DEK: variants seen among roughly 807,000 people sequenced by gnomAD.
DEK encodes the protein DEK proto-oncogene, also known as protein DEK.
DEK carries 28 observed loss-of-function variants against 46.8 expected under a neutral mutation model. That is an observed-to-expected ratio of 0.60 (90% CI 0.44 to 0.82). The LOEUF is 0.82. Among genes scored for constraint, DEK ranks in the 40% least tolerant of loss-of-function variants. The probability of loss-of-function intolerance (pLI) is 0.00; values close to 1 mark genes in which losing one functional copy is unlikely to be tolerated. For synonymous variants in DEK, 160 were observed against 144.5 expected (o/e 1.11, Z -0.77); for missense variants, 416 against 430.6 (o/e 0.97, Z 0.30).
chr6:18,242,703 G>A (rs73726737), intron 7 of DEK, among the ~76,000 whole-genome samples: 23 of 152,158 alleles, frequency 1.5e-4, no homozygotes, highest in African/African-American at 5.3e-4. Flanking sequence ...ACCCTTATGT[G>A]ACTTAATAAT....
At chr6:18,235,083 AATG>A (rs1346068888) in intron 9 of DEK, among the ~76,000 whole-genome samples, 2 of 152,320 alleles carry the variant, frequency 1.3e-5, no homozygotes, top group Non-Finnish European at 2.9e-5. Flanking sequence ...CTGTCATTTT[AATG>A]ATGATATAAC....
chr6:18,252,388 A>G (rs1406625216), intron 6 of DEK, among the ~76,000 whole-genome samples: 1 of 151,808 alleles, frequency 6.6e-6, no homozygotes, highest in Non-Finnish European at 1.5e-5. Context: ...ATACACCTAT[A>G]GTCCCAGTTA....
intron 6 of DEK, among the ~76,000 whole-genome samples, chr6:18,252,509 CAAAAAAAAAAAAAAAAA>C (rs61626818): frequency 3.4e-5 from 1 of 29,144 alleles, no homozygotes; most frequent in African/African-American, 1.2e-4. Context: ...ACGCTGTCTC[CAAAAAAAAAAAAAAAAA>C]AAAAAAAAAG....
intron 7 of DEK, among the ~76,000 whole-genome samples, chr6:18,245,362 C>T (rs891417497): frequency 2.1e-4 from 32 of 152,306 alleles, no homozygotes; most frequent in Non-Finnish European, 3.8e-4. Context: ...ATGTCCCTGT[C>T]TGTGGGCTTC....
At chr6:18,234,658 CT>C (rs909309808) in intron 9 of DEK, among the ~76,000 whole-genome samples, 1 of 152,166 alleles carries the variant, frequency 6.6e-6, no homozygotes, top group African/African-American at 2.4e-5. Flanking sequence ...TCTGACAGCA[CT>C]TTCCCCTCCA....
chr6:18,258,644 A>C (rs1244387518), intron 2 of DEK, among the ~76,000 whole-genome samples: 1 of 152,240 alleles, frequency 6.6e-6, no homozygotes, highest in African/African-American at 2.4e-5. Context: ...CAGTTAAAAA[A>C]AAAAATTAGA....
Position 18,225,573 on chromosome 6 carries a change from C to T in DEK, c.*146G>A. Reference sequence around the variant, plus strand: ...AAACAGCAAACTCAAATTCACATAACACTCAAGATAAAAAGGTCAGCAGTA... The same window carrying T: ...AAACAGCAAACTCAAATTCACATAATACTCAAGATAAAAAGGTCAGCAGTA... On this transcript the variant is annotated 3_prime_UTR_variant, in exon 11 of 11. Transcript: ENST00000652689. The T allele has an allele frequency of 1.3e-6, 1 of 792,434 alleles. No individual in the cohort carries two copies. Among genetic ancestry groups the T allele is most frequent in the Non-Finnish European group, 1.9e-6 (1 of 521,198 alleles). 49.1% of individuals were successfully genotyped at this position (792,434 alleles called of 1,614,324 possible).
chr6:18,261,567 G>A (rs978331936), intron 2 of DEK, among the ~76,000 whole-genome samples: 77 of 150,208 alleles, frequency 5.1e-4, no homozygotes, highest in Non-Finnish European at 4.9e-4. Flanking sequence ...GCGAAACTCC[G>A]TTTCAAAAAA....
At chr6:18,243,942 G>C (rs1029970295) in intron 7 of DEK, among the ~76,000 whole-genome samples, 1 of 152,086 alleles carries the variant, frequency 6.6e-6, no homozygotes, top group Non-Finnish European at 1.5e-5. Context: ...ACTCCAGCCT[G>C]GGCAACAGAG....
intron 8 of DEK, 200 bp downstream of exon 8, chr6:18,237,181 C>T: frequency 2.2e-6 from 1 of 464,002 alleles, no homozygotes; most frequent in Non-Finnish European, 3.5e-6. Flanking sequence ...CTCTGTCTCT[C>T]TCTCTATATA....
At chr6:18,260,335 T>C (rs193076427) in intron 2 of DEK, among the ~76,000 whole-genome samples, 8 of 152,306 alleles carry the variant, frequency 5.3e-5, no homozygotes, top group African/African-American at 1.7e-4. Flanking sequence ...TTGTGGTTGA[T>C]TGAATCCACA....
intron 2 of DEK, among the ~76,000 whole-genome samples, chr6:18,261,322 T>A (rs989353187): frequency 6.6e-6 from 1 of 152,078 alleles, no homozygotes; most frequent in African/African-American, 2.4e-5. Flanking sequence ...TCTGTAATCC[T>A]AAAACTCTGG....
intron 7 of DEK, among the ~76,000 whole-genome samples, chr6:18,246,158 C>G (rs1791108421): frequency 6.6e-6 from 1 of 152,164 alleles, no homozygotes; most frequent in African/African-American, 2.4e-5. Context: ...AGAAGCTAAT[C>G]CCACATAGGA....
chr6:18,246,105 G>A (rs993835006), intron 7 of DEK, among the ~76,000 whole-genome samples: 3 of 152,168 alleles, frequency 2.0e-5, no homozygotes, highest in Non-Finnish European at 4.4e-5. Flanking sequence ...TATTAACAGC[G>A]TGAGAAAGGA....
chr6:18,263,647 A>G (rs1386068709), intron 2 of DEK, among the ~76,000 whole-genome samples, 196 bp downstream of exon 2: 6 of 152,236 alleles, frequency 3.9e-5, no homozygotes, highest in Non-Finnish European at 8.8e-5. Context: ...AATACTTTAA[A>G]AACCGGAATA....
intron 9 of DEK, among the ~76,000 whole-genome samples, chr6:18,235,190 T>C (rs1263332800): frequency 6.6e-6 from 1 of 152,246 alleles, no homozygotes; most frequent in Non-Finnish European, 1.5e-5. Context: ...GATTGCGTTA[T>C]GCCCCTGCTA....
chr6:18,228,260 G>A (rs1197019617), intron 9 of DEK, among the ~76,000 whole-genome samples: 1 of 152,102 alleles, frequency 6.6e-6, no homozygotes, highest in Non-Finnish European at 1.5e-5. Flanking sequence ...AAATAGATGT[G>A]GCTGTATTAC....
At chr6:18,257,174 C>T (rs1310671552) in intron 4 of DEK, among the ~76,000 whole-genome samples, 1 of 152,080 alleles carries the variant, frequency 6.6e-6, no homozygotes, top group Non-Finnish European at 1.5e-5. Context: ...ACAATTACAC[C>T]AAATTCACTT....
intron 2 of DEK, among the ~76,000 whole-genome samples, chr6:18,262,345 T>C (rs1041924609): frequency 6.6e-6 from 1 of 150,430 alleles, no homozygotes; most frequent in South Asian, 2.1e-4. Context: ...CTGGCTTCCA[T>C]GATGCCTCAG....
Sources: allele counts gnomAD v4.1 joint callset (sites outside exome capture counted in the v4.1 genomes callset), GRCh38; gene constraint gnomAD v4.1.1; transcripts MANE v1.5; gene names NCBI Gene and HGNC (gene_info 2026-07-23, HGNC 2026-07-21).